AP1M1: variants seen among roughly 807,000 people sequenced by gnomAD.
The protein encoded by AP1M1 is AP-1 complex subunit mu-1.
AP1M1 carries 18 observed loss-of-function variants against 57.1 expected under a neutral mutation model. The ratio of observed to expected loss-of-function variants is 0.32; its 90% CI spans 0.22 to 0.47. The LOEUF (loss-of-function observed/expected upper bound fraction) is 0.47. Among genes scored for constraint, AP1M1 ranks in the 20% least tolerant of loss-of-function variants. The pLI, the probability that AP1M1 is intolerant of heterozygous loss-of-function variation, is 1.00. For synonymous variants in AP1M1, 241 were observed against 237.9 expected (o/e 1.01, Z -0.12); for missense variants, 362 against 593.5 (o/e 0.61, Z 4.05).
chr19:16,218,167 A>G (rs1599460162), intron 5 of AP1M1, among the ~76,000 whole-genome samples: 1 of 152,232 alleles, frequency 6.6e-6, no homozygotes, highest in Non-Finnish European at 1.5e-5. Flanking sequence ...CGCACTGCCC[A>G]TGGGGTAGCC....
Position 16,242,657 on chromosome 19 carries a change from C to G in AP1M1, c.*8222C>G, listed in dbSNP as rs1420156610. On this transcript the variant is annotated 3_prime_UTR_variant, in exon 12 of 12. Transcript: ENST00000291439. ...ATGTGACACTTAAAATATAAGCACA[C>G]AACACAGTTAAAAGTAAAAAGACAT... The G allele has an allele frequency of 6.6e-6, 1 of 152,144 alleles. No homozygotes were observed. The highest frequency in any genetic ancestry group is 1.5e-5 in the Non-Finnish European group (1 of 68,030). 9.4% of individuals were successfully genotyped at this position (152,144 alleles called of 1,614,324 possible).
At chr19:16,218,568 G>A (rs911086887) in intron 5 of AP1M1, among the ~76,000 whole-genome samples, 3 of 152,164 alleles carry the variant, frequency 2.0e-5, no homozygotes, top group East Asian at 1.9e-4. Context: ...TCTTCCCTCC[G>A]TTCACTCTCA....
At chr19:16,209,293 CAG>C in intron 5 of AP1M1, 116 bp downstream of exon 5, 1 of 1,203,146 alleles carries the variant, frequency 8.3e-7, no homozygotes, top group Non-Finnish European at 1.2e-6. Flanking sequence ...TAACAGATAG[CAG>C]GATTCAGTTT....
At position 16,203,159 on chromosome 19, in the gene AP1M1, G is replaced by C; in HGVS notation, c.43-300G>C. 2.5e-6 allele frequency: 1 copy of C among 404,664 alleles called. No individual in the cohort carries two copies. Among genetic ancestry groups the C allele is most frequent in the South Asian group, 2.3e-5 (1 of 42,972 alleles). 25.1% of individuals were successfully genotyped at this position (404,664 alleles called of 1,614,324 possible). A position where few individuals can be genotyped will look rare whatever the true frequency, so the allele number is the denominator to read the frequency against. ...CTGCATTGAGAGCTTGTGAGGCATT[G>C]CTTAACCTGATGTCTCTGGGTGATT... On this transcript the variant is annotated intron_variant, in intron 1 of 11. Coordinates refer to ENST00000291439, the MANE Select transcript of AP1M1 (RefSeq NM_032493.4). This position sits in a 1 kb window ranked among gnomAD's most constrained non-coding sequence, Gnocchi z 4.6.
Position 16,238,370 on chromosome 19 carries a change from A to G in AP1M1, c.*3935A>G, listed in dbSNP as rs917054313. The G allele has an allele frequency of 2.0e-5, 3 of 152,240 alleles. No individual in the cohort carries two copies. Among genetic ancestry groups the G allele is most frequent in the African/African-American group, 7.2e-5 (3 of 41,462 alleles). 9.4% of individuals were successfully genotyped at this position (152,240 alleles called of 1,614,324 possible). A position where few individuals can be genotyped will look rare whatever the true frequency, so the allele number is the denominator to read the frequency against. ...GCAACCAAAAGTCCTTCAATAGGAA[A>G]AGGGACCACTGTAGTCCATTCATGC... is the stretch of plus-strand genomic sequence containing the variant. On this transcript the variant is annotated 3_prime_UTR_variant, in exon 12 of 12. Coordinates refer to ENST00000291439, the MANE Select transcript of AP1M1 (RefSeq NM_032493.4).
At position 16,232,017 on chromosome 19, in the gene AP1M1, TCTC is replaced by T. The variant is rs1568356160; in HGVS notation, c.1048-1473_1048-1471del. Among the ~76,000 whole-genome samples, 5 of 152,196 alleles carry T rather than the reference TCTC, an allele frequency of 3.3e-5. No individual in the cohort carries two copies. In the South Asian group the frequency reaches 1.0e-3, roughly 32 times the overall value. On this transcript the variant is annotated intron_variant, in intron 9 of 11. Transcript: ENST00000291439. The stretch of plus-strand genomic sequence containing the variant: ...TGGGCCGGGCCTTGCGTCCAGGCCT[TCTC>T]CTGGCTCTCTCTGCATCTCCTATAG...
Position 16,243,679 on chromosome 19 carries a change from T to C in AP1M1, c.*9244T>C, listed in dbSNP as rs902842295. Reference sequence around the variant, plus strand: ...GAGAATGGCCAGGTGCAGTGGCTCATGTCTATAATCCCAGCACTTTAGGAG... The same window carrying C: ...GAGAATGGCCAGGTGCAGTGGCTCACGTCTATAATCCCAGCACTTTAGGAG... On this transcript the variant is annotated 3_prime_UTR_variant, in exon 12 of 12. Transcript: ENST00000291439. 2 of 152,132 alleles carry C rather than the reference T, an allele frequency of 1.3e-5. No homozygotes were observed. Among genetic ancestry groups the C allele is most frequent in the East Asian group, 1.9e-4 (1 of 5,188 alleles). 9.4% of individuals were successfully genotyped at this position (152,132 alleles called of 1,614,324 possible). A position where few individuals can be genotyped will look rare whatever the true frequency, so the allele number is the denominator to read the frequency against.
chr19:16,231,361 C>A (rs796826644), intron 9 of AP1M1, among the ~76,000 whole-genome samples: 7 of 150,776 alleles, frequency 4.6e-5, no homozygotes, highest in African/African-American at 1.7e-4. Flanking sequence ...GATATCCTTC[C>A]CCCTTTCTTA....
chr19:16,227,797 A>T lies in AP1M1; in HGVS notation c.816+107A>T. ...CAGGGCCAGCCCCACCCCACGCTCCATGAGCTGCCTGGCTCTGCAGAGATG... is the reference window on the plus strand; with the variant it reads ...CAGGGCCAGCCCCACCCCACGCTCCTTGAGCTGCCTGGCTCTGCAGAGATG... On this transcript the variant is annotated intron_variant, in intron 7 of 11. Coordinates refer to ENST00000291439, the MANE Select transcript of AP1M1 (RefSeq NM_032493.4). The surrounding 1 kb of genome is among the most constrained non-coding windows in gnomAD (Gnocchi z 6.2). 1 of 1,379,158 alleles carries T rather than the reference A, an allele frequency of 7.3e-7. No individual in the cohort carries two copies. The highest frequency in any genetic ancestry group is 1.0e-6 in the Non-Finnish European group (1 of 999,312). The allele number at this position is 1,379,158 out of a possible 1,614,324, so 85.4% of individuals were successfully genotyped here. A position where few individuals can be genotyped will look rare whatever the true frequency, so the allele number is the denominator to read the frequency against.
chr19:16,203,391 C>A lies in AP1M1; in HGVS notation c.43-68C>A. ...CGAAGCAGGGTGGTGCATCTCACCCCCTGCCCCAAGCCCCCAGATTGTAGA... is the reference window on the plus strand; with the variant it reads ...CGAAGCAGGGTGGTGCATCTCACCCACTGCCCCAAGCCCCCAGATTGTAGA... On this transcript the variant is annotated intron_variant, in intron 1 of 11. Transcript: ENST00000291439. This position sits in a 1 kb window ranked among gnomAD's most constrained non-coding sequence, Gnocchi z 4.6. The A allele has an allele frequency of 1.0e-5, 16 of 1,567,586 alleles. No homozygotes were observed. Among genetic ancestry groups the A allele is most frequent in the Non-Finnish European group, 1.4e-5 (16 of 1,140,528 alleles).
intron 5 of AP1M1, among the ~76,000 whole-genome samples, chr19:16,221,807 C>T (rs1020279851): frequency 6.6e-6 from 1 of 152,212 alleles, no homozygotes; most frequent in Non-Finnish European, 1.5e-5. Context: ...CTGTCTCAGC[C>T]TCCCGAGTAG....
chr19:16,218,566 C>T (rs1248793304), intron 5 of AP1M1, among the ~76,000 whole-genome samples: 1 of 152,184 alleles, frequency 6.6e-6, no homozygotes, highest in Non-Finnish European at 1.5e-5. Context: ...TGTCTTCCCT[C>T]CGTTCACTCT....
chr19:16,205,024 A>G (rs1383429275), intron 2 of AP1M1, among the ~76,000 whole-genome samples: 1 of 151,918 alleles, frequency 6.6e-6, no homozygotes, highest in Non-Finnish European at 1.5e-5. Context: ...TAGTAGAGAC[A>G]GGGTTTCACC....
intron 5 of AP1M1, among the ~76,000 whole-genome samples, chr19:16,223,723 G>C (rs2091556235): frequency 6.6e-6 from 1 of 152,208 alleles, no homozygotes; most frequent in Non-Finnish European, 1.5e-5. Context: ...ACTTTCTCGT[G>C]GGGGGCGGTG....
At chr19:16,231,941 T>G (rs938048724) in intron 9 of AP1M1, among the ~76,000 whole-genome samples, 1 of 152,244 alleles carries the variant, frequency 6.6e-6, no homozygotes, top group African/African-American at 2.4e-5. Flanking sequence ...GAATTTGATA[T>G]GTGCCCATGG....
Position 16,226,820 on chromosome 19 carries a change from G to A in AP1M1, c.673+273G>A, listed in dbSNP as rs1599464754. On this transcript the variant is annotated intron_variant, in intron 6 of 11. Coordinates refer to ENST00000291439, the MANE Select transcript of AP1M1 (RefSeq NM_032493.4). Reference sequence around the variant, plus strand: ...CCTGCACCCTGCCCTGCTCTGCCTGGGGCACTGGGGCCTAGGCTAAGGCCT... The same window carrying A: ...CCTGCACCCTGCCCTGCTCTGCCTGAGGCACTGGGGCCTAGGCTAAGGCCT... 8.8e-6 allele frequency: 3 copies of A among 341,436 alleles called. No individual in the cohort carries two copies. In the East Asian group the frequency reaches 1.4e-4, roughly 16 times the overall value. The allele number at this position is 341,436 out of a possible 1,614,324, so 21.2% of individuals were successfully genotyped here.
chr19:16,218,468 A>T (rs2091528396), intron 5 of AP1M1, among the ~76,000 whole-genome samples: 1 of 152,186 alleles, frequency 6.6e-6, no homozygotes, highest in Admixed American at 6.5e-5. Flanking sequence ...CCTCCACAGG[A>T]GTCACTGGGA....
In AP1M1 at chr19:16,239,652, G is replaced by C. The variant is rs901702871; in HGVS notation, c.*5217G>C. On this transcript the variant is annotated 3_prime_UTR_variant, in exon 12 of 12. Coordinates refer to ENST00000291439, the MANE Select transcript of AP1M1 (RefSeq NM_032493.4). ...ACAAAAGAATTAGCTGGGCGTAGTG[G>C]CTCATACCTGTAATCCCAGCTACTC... The C allele has an allele frequency of 2.0e-5, 3 of 151,884 alleles. No homozygotes were observed. The highest frequency in any genetic ancestry group is 2.0e-4 in the Admixed American group (3 of 15,238). 9.4% of individuals were successfully genotyped at this position (151,884 alleles called of 1,614,324 possible).
chr19:16,235,926 T>G lies in AP1M1; in HGVS notation c.*1491T>G, dbSNP rs191636995. Reference sequence around the variant, plus strand: ...GCCTTCATTCTCCCCCTCCCTCTCCTGTCTTGCCGAGCTCGTCCTCAGGTG... The same window carrying G: ...GCCTTCATTCTCCCCCTCCCTCTCCGGTCTTGCCGAGCTCGTCCTCAGGTG... On this transcript the variant is annotated 3_prime_UTR_variant, in exon 12 of 12. Coordinates refer to ENST00000291439, the MANE Select transcript of AP1M1 (RefSeq NM_032493.4). The G allele has an allele frequency of 3.3e-5, 5 of 152,452 alleles. No individual in the cohort carries two copies. The highest frequency in any genetic ancestry group is 2.6e-4 in the Admixed American group (4 of 15,296). 9.4% of individuals were successfully genotyped at this position (152,452 alleles called of 1,614,324 possible).
Sources: allele counts gnomAD v4.1 joint callset (sites outside exome capture counted in the v4.1 genomes callset), GRCh38; gene constraint gnomAD v4.1.1; non-coding constraint Gnocchi (gnomAD v3.1); transcripts MANE v1.5; gene names NCBI Gene and HGNC (gene_info 2026-07-23, HGNC 2026-07-21).